Variants in FRMD6 observed in about 807,000 individuals in gnomAD.
FRMD6 encodes FERM domain containing 6.
A neutral mutation model predicts 73.2 loss-of-function variants in FRMD6; 37 were observed. The ratio of observed to expected loss-of-function variants is 0.51; its 90% CI spans 0.39 to 0.66. The LOEUF (loss-of-function observed/expected upper bound fraction) is 0.66, where lower values mean the gene tolerates loss of function less well. FRMD6 is among the 30% of genes least tolerant of loss of function. The probability of loss-of-function intolerance (pLI) is 0.00; values close to 1 mark genes in which losing one functional copy is unlikely to be tolerated. For missense variants in FRMD6, 714 were observed against 780.5 expected (o/e 0.91, Z 1.02); for synonymous variants, 273 against 282.2 (o/e 0.97, Z 0.33).
rs200899321 is a variant in FRMD6 at position 51,715,495 on chromosome 14, C to T, written c.1020C>T (p.Asn340=). The change falls in exon 10 of 14, where the codon AAC becomes AAT. Residue 340 remains asparagine, a synonymous_variant. Transcript: ENST00000344768. The part of the protein sequence containing the change: ...VLRHIRKLEE[N]EEKKQYRESY... ...GCCATATCCGGAAGCTGGAGGAAAA[C>T]GAAGGTATTGCAGGGTCTGGGGTGT... 5.1e-4 allele frequency: 818 copies of T among 1,608,884 alleles called. No homozygotes were observed. Among genetic ancestry groups the T allele is most frequent in the Non-Finnish European group, 6.4e-4 (752 of 1,177,128 alleles).
chr14:51,726,655 A>G (rs985992040), intron 13 of FRMD6, among the ~76,000 whole-genome samples: 29 of 152,192 alleles, frequency 1.9e-4, no homozygotes, highest in African/African-American at 6.5e-4. Flanking sequence ...TCTACTCTTA[A>G]GAGATGTTTC....
intron 1 of FRMD6, among the ~76,000 whole-genome samples, chr14:51,496,104 G>A (rs1883276295): frequency 6.6e-6 from 1 of 152,126 alleles, no homozygotes; most frequent in Non-Finnish European, 1.5e-5. Flanking sequence ...TCACACTCTT[G>A]GATCACTCAC....
intron 2 of FRMD6, among the ~76,000 whole-genome samples, chr14:51,628,460 C>T (rs1286048234): frequency 6.6e-6 from 1 of 152,064 alleles, no homozygotes; most frequent in Middle Eastern, 3.2e-3. Context: ...CAATCAATCC[C>T]CATTCCAATC....
intron 2 of FRMD6, among the ~76,000 whole-genome samples, chr14:51,621,068 T>G (rs1890908024): frequency 6.6e-6 from 1 of 152,190 alleles, no homozygotes; most frequent in Non-Finnish European, 1.5e-5. Flanking sequence ...ATAATTACCT[T>G]AAACACAGAG....
chr14:51,459,882 C>CTTTTTTTTTTTT, the FRMD6 span, among the ~76,000 whole-genome samples: 4 of 23,430 alleles, frequency 1.7e-4, no homozygotes, highest in African/African-American at 8.7e-4. Flanking sequence ...ATTACTGACT[C>CTTTTTTTTTTTT]TCTTTTTTTT....
chr14:51,599,058 C>CTTTTTTTTTTTTTTTTTTTT lies in FRMD6; in HGVS notation c.-147+28656_-147+28675dup, dbSNP rs59151771. ...TCTCAGCAGCCTTGCCAGTATCTGT[C>CTTTTTTTTTTTTTTTTTTTT]TTTTTTTTTTTTTTTTTTTTTTTTT... On this transcript the variant is annotated intron_variant, in intron 2 of 14. Transcript: ENST00000356218. Among the ~76,000 whole-genome samples, 41 of 72,822 alleles carry CTTTTTTTTTTTTTTTTTTTT rather than the reference C, an allele frequency of 5.6e-4. 2 individuals are homozygous for CTTTTTTTTTTTTTTTTTTTT. The highest frequency in any genetic ancestry group is 9.7e-4 in the East Asian group (2 of 2,064). 47.8% of individuals were successfully genotyped at this position (72,822 alleles called of 152,430 possible). A position where few individuals can be genotyped will look rare whatever the true frequency, so the allele number is the denominator to read the frequency against.
upstream of FRMD6, chr14:51,650,884 A>G (rs1416634166): frequency 6.6e-6 from 1 of 152,228 alleles, no homozygotes; most frequent in African/African-American, 2.4e-5. Flanking sequence ...AAGTCAGAGG[A>G]AACCTAGAAA....
At chr14:51,508,991 A>G (rs888853241) in intron 1 of FRMD6, among the ~76,000 whole-genome samples, 2 of 152,228 alleles carry the variant, frequency 1.3e-5, no homozygotes, top group Admixed American at 6.5e-5. Flanking sequence ...TTTAAAAAAC[A>G]TGGTGAAAAA....
At chr14:51,442,573 T>C in the FRMD6 span, among the ~76,000 whole-genome samples, 6 of 152,220 alleles carry the variant, frequency 3.9e-5, no homozygotes, top group African/African-American at 9.6e-5. Context: ...TTAGTTTTAC[T>C]ATCTTCTGCT....
At chr14:51,624,551 A>G (rs902744358) in intron 2 of FRMD6, among the ~76,000 whole-genome samples, 7 of 152,198 alleles carry the variant, frequency 4.6e-5, no homozygotes, top group African/African-American at 1.7e-4. Flanking sequence ...TCCTAAAAAC[A>G]AGATGAATGT....
At chr14:51,405,393 A>C in the FRMD6 span, among the ~76,000 whole-genome samples, 1 of 152,126 alleles carries the variant, frequency 6.6e-6, no homozygotes, top group Non-Finnish European at 1.5e-5. Context: ...ACTTTCATCA[A>C]CTGTGTATAA....
At chr14:51,580,112 G>A (rs1888630637) in intron 2 of FRMD6, among the ~76,000 whole-genome samples, 1 of 150,456 alleles carries the variant, frequency 6.6e-6, no homozygotes, top group Admixed American at 6.7e-5. Context: ...GAAGTAAAAG[G>A]GAAGTTGTGT....
chr14:51,668,341 C>T (rs753860214), intron 1 of FRMD6, among the ~76,000 whole-genome samples: 4 of 152,190 alleles, frequency 2.6e-5, no homozygotes, highest in Non-Finnish European at 5.9e-5. Context: ...AGAATCTACT[C>T]CTTTACCCAG....
At chr14:51,672,041 G>A (rs923424976) in intron 1 of FRMD6, among the ~76,000 whole-genome samples, 1 of 152,186 alleles carries the variant, frequency 6.6e-6, no homozygotes, top group African/African-American at 2.4e-5. Context: ...ATGGGATTAA[G>A]ATCCTGAAGC....
chr14:51,611,039 G>T, intron 2 of FRMD6, among the ~76,000 whole-genome samples: 1 of 152,118 alleles, frequency 6.6e-6, no homozygotes, highest in Non-Finnish European at 1.5e-5. Flanking sequence ...TACAATTATT[G>T]AGAAGAAATC....
chr14:51,529,992 T>C (rs1337005434), intron 1 of FRMD6, among the ~76,000 whole-genome samples: 2 of 152,210 alleles, frequency 1.3e-5, no homozygotes, highest in African/African-American at 4.8e-5. Flanking sequence ...ATGCCTGCAA[T>C]TGTGAGCTGG....
At chr14:51,619,529 A>C (rs1239356946) in intron 2 of FRMD6, among the ~76,000 whole-genome samples, 1 of 152,176 alleles carries the variant, frequency 6.6e-6, no homozygotes, top group Non-Finnish European at 1.5e-5. Flanking sequence ...TACCCCATAA[A>C]ACAAACCTTC....
intron 1 of FRMD6, among the ~76,000 whole-genome samples, chr14:51,498,040 A>C (rs1883403801): frequency 6.6e-6 from 1 of 152,226 alleles, no homozygotes; most frequent in African/African-American, 2.4e-5. Flanking sequence ...GAACAGTCTT[A>C]CATTCTAATC....
chr14:51,482,066 A>C, the FRMD6 span, among the ~76,000 whole-genome samples: 3 of 152,242 alleles, frequency 2.0e-5, no homozygotes, highest in African/African-American at 7.2e-5. Context: ...CAGGGACTGA[A>C]GAATGGGGAT....
Sources: gnomAD v4.1 joint callset for allele counts (sites outside exome capture counted in the v4.1 genomes callset) on GRCh38, gnomAD v4.1.1 for gene constraint, MANE v1.5 for transcripts, NCBI Gene and HGNC (gene_info 2026-07-23, HGNC 2026-07-21) for gene names.